NCS1: variants seen among roughly 807,000 people sequenced by gnomAD.
NCS1 encodes the protein neuronal calcium sensor 1.
Under a neutral mutation model 28.4 loss-of-function variants are expected in NCS1, and 6 were observed. The ratio of observed to expected loss-of-function variants is 0.21; its 90% confidence interval spans 0.12 to 0.42. The LOEUF is 0.42. NCS1 is among the 10% of genes least tolerant of loss of function. The pLI, the probability that NCS1 is intolerant of heterozygous loss-of-function variation, is 1.00. For synonymous variants in NCS1, 86 were observed against 99.3 expected, an observed-to-expected ratio of 0.87 and a Z score of 0.79; for missense variants, 131 against 241.4, an observed-to-expected ratio of 0.54 and a Z score of 3.03.
intron 1 of NCS1, among the ~76,000 whole-genome samples, chr9:130,187,758 C>A (rs1016152955): frequency 6.6e-6 from 1 of 152,224 alleles, no homozygotes; most frequent in South Asian, 2.1e-4. Flanking sequence ...CTTCACCTCT[C>A]GCCTCTGTTG....
rs1036374772 is a variant in NCS1 at position 130,215,676 on chromosome 9, C to A, written c.90-2156C>A. Among the ~76,000 whole-genome samples, 2 of 152,198 alleles carry A rather than the reference C, an allele frequency of 1.3e-5. No individual in the cohort carries two copies. Among genetic ancestry groups the A allele is most frequent in the South Asian group, 2.1e-4 (1 of 4,830 alleles). On this transcript the variant is annotated intron_variant, in intron 2 of 7. Transcript: ENST00000372398. The surrounding 1 kb of genome is among the most constrained non-coding windows in gnomAD (Gnocchi z 4.2). ...GGGCCGACCTGCCGAGGGAACCACC[C>A]TCTCAGCACAGTGCCTGGGTTTGGG...
Position 130,226,518 on chromosome 9 carries a change from C to T in NCS1, c.*17+14C>T, listed in dbSNP as rs372073258. 4.7e-5 allele frequency: 74 copies of T among 1,569,478 alleles called. No homozygotes were observed. Among genetic ancestry groups the T allele is most frequent in the African/African-American group, 1.2e-4 (9 of 73,596 alleles). On this transcript the variant is annotated intron_variant, in intron 7 of 7. Transcript: ENST00000372398. The surrounding 1 kb of genome is among the most constrained non-coding windows in gnomAD (Gnocchi z 4.8). ...GGCTGGAGCTGGGTGAGTGCAGACT[C>T]GGGGCCTGGGGTGGGTCTGGGATGG...
chr9:130,200,880 G>GC (rs1832937173), intron 1 of NCS1, 78 bp from the exon 2 acceptor site: 10 of 1,566,726 alleles, frequency 6.4e-6, no homozygotes, highest in Non-Finnish European at 8.8e-6. Context: ...TGGAGGGGAG[G>GC]CCCCCCAGCG....
intron 1 of NCS1, among the ~76,000 whole-genome samples, chr9:130,182,648 CCCCAGTGGAGGCTCAGCAGGTG>C (rs1832677392): frequency 1.3e-5 from 2 of 152,198 alleles, no homozygotes; most frequent in Non-Finnish European, 2.9e-5. Flanking sequence ...CCTCCACCCA[CCCCAGTGGAGGCTCAGCAGGTG>C]CTGACCGTGT....
Position 130,175,940 on chromosome 9 carries a change from C to T in NCS1, c.64+3213C>T, listed in dbSNP as rs567749678. Among the ~76,000 whole-genome samples the T allele has an allele frequency of 7.6e-4, 116 of 152,282 alleles. No individual in the cohort carries two copies. Among genetic ancestry groups the T allele is most frequent in the African/African-American group, 2.7e-3 (111 of 41,556 alleles). On this transcript the variant is annotated intron_variant, in intron 1 of 7. Transcript: ENST00000372398. This position sits in a 1 kb window ranked among gnomAD's most constrained non-coding sequence, Gnocchi z 4.9. The stretch of plus-strand genomic sequence containing the variant: ...AGGCTGTTGGCTTCCCCGTGTGTCC[C>T]GGCTGTGGGATGGGCCGGTCCCCTC...
rs1400382870 is a variant in NCS1 at position 130,192,095 on chromosome 9, G to A, written c.65-8863G>A. Among the ~76,000 whole-genome samples, 13 of 152,178 alleles carry A rather than the reference G, an allele frequency of 8.5e-5. No homozygotes were observed. Among genetic ancestry groups the A allele is most frequent in the African/African-American group, 2.7e-4 (11 of 41,448 alleles). ...CTTTCTGGGGCAGCTCAGGCCTGGT[G>A]CTGGGGCCCAGCTGCCCTTTAGCCA... On this transcript the variant is annotated intron_variant, in intron 1 of 7. Coordinates refer to ENST00000372398, the MANE Select transcript of NCS1 (RefSeq NM_014286.4). This position sits in a 1 kb window ranked among gnomAD's most constrained non-coding sequence, Gnocchi z 4.8.
intron 2 of NCS1, among the ~76,000 whole-genome samples, chr9:130,208,698 C>T (rs1239773681): frequency 3.9e-5 from 6 of 152,214 alleles, no homozygotes; most frequent in African/African-American, 9.6e-5. Flanking sequence ...GATTCTGGGC[C>T]GCGCCATGCA....
At chr9:130,205,238 G>T (rs2131139260) in intron 2 of NCS1, among the ~76,000 whole-genome samples, 1 of 152,218 alleles carries the variant, frequency 6.6e-6, no homozygotes. Context: ...GCTGGGAGGG[G>T]GACACGAGCC....
chr9:130,187,980 G>C (rs1381730204), intron 1 of NCS1, among the ~76,000 whole-genome samples: 3 of 152,204 alleles, frequency 2.0e-5, no homozygotes, highest in Non-Finnish European at 2.9e-5. Flanking sequence ...GGACTAGGGT[G>C]GGGGAGGCAG....
At chr9:130,210,201 C>A (rs897784589) in intron 2 of NCS1, among the ~76,000 whole-genome samples, 2 of 151,966 alleles carry the variant, frequency 1.3e-5, no homozygotes, top group Non-Finnish European at 2.9e-5. Flanking sequence ...GAGTTCAAGA[C>A]CAGTCTGGCC....
chr9:130,231,999 T>G (rs1472487304), intron 7 of NCS1, among the ~76,000 whole-genome samples: 1 of 151,946 alleles, frequency 6.6e-6, no homozygotes, highest in Non-Finnish European at 1.5e-5. Flanking sequence ...CAGGCTGGAG[T>G]GCAGTGATGC....
chr9:130,223,168 G>T lies in NCS1; in HGVS notation c.474+9G>T, dbSNP rs782653588. The T allele has an allele frequency of 1.1e-5, 18 of 1,596,896 alleles. No homozygotes were observed. Among genetic ancestry groups the T allele is most frequent in the South Asian group, 3.3e-5 (3 of 90,698 alleles). On this transcript the variant is annotated intron_variant, in intron 6 of 7. Transcript: ENST00000372398. ...TTGCCATGATGGATAAGGTGAGGTG[G>T]GGGGGCGGGGCTGGTCCTGGACCAG...
intron 1 of NCS1, among the ~76,000 whole-genome samples, chr9:130,194,402 G>C (rs945810550): frequency 1.3e-5 from 2 of 152,012 alleles, no homozygotes; most frequent in Non-Finnish European, 2.9e-5. Flanking sequence ...GTCTGTGGGC[G>C]TGGGGGTGCG....
chr9:130,184,819 A>G (rs1257575376), intron 1 of NCS1, among the ~76,000 whole-genome samples: 4 of 150,302 alleles, frequency 2.7e-5, no homozygotes, highest in Non-Finnish European at 5.9e-5. Flanking sequence ...ATTTTAGTAG[A>G]GACAGGTTTT....
intron 7 of NCS1, among the ~76,000 whole-genome samples, chr9:130,229,265 CT>C (rs35011671): frequency 0.26 from 36,931 of 141,450 alleles, 4,822 homozygotes; most frequent in Admixed American, 0.34. Flanking sequence ...ATTAATATTT[CT>C]TTTTTTTTTT....
Position 130,211,061 on chromosome 9 carries a change from C to T in NCS1, c.90-6771C>T, listed in dbSNP as rs141385807. On this transcript the variant is annotated intron_variant, in intron 2 of 7. Coordinates refer to ENST00000372398, the MANE Select transcript of NCS1 (RefSeq NM_014286.4). ...AGAGATGGGGTCTTGCTATGTTGCC[C>T]GGGGTGGTCTCAAACTCCTGGGCTC... 7.5e-3 allele frequency among the ~76,000 whole-genome samples: 1,061 copies of T among 142,170 alleles called. 9 individuals are homozygous for T. The highest frequency in any genetic ancestry group is 0.028 in the South Asian group (120 of 4,252). 93.3% of individuals were successfully genotyped at this position (142,170 alleles called of 152,430 possible).
At chr9:130,179,161 G>A (rs1832622129) in intron 1 of NCS1, among the ~76,000 whole-genome samples, 1 of 151,494 alleles carries the variant, frequency 6.6e-6, no homozygotes, top group Non-Finnish European at 1.5e-5. Flanking sequence ...TCGAACTCCT[G>A]ACCTCAGGTG....
intron 1 of NCS1, among the ~76,000 whole-genome samples, chr9:130,179,555 G>C (rs193290983): frequency 1.3e-5 from 2 of 152,254 alleles, no homozygotes; most frequent in East Asian, 1.9e-4. Flanking sequence ...TAAAAGGCTG[G>C]GGATGTTTTG....
intron 1 of NCS1, among the ~76,000 whole-genome samples, chr9:130,188,805 C>T (rs1162542077): frequency 2.6e-5 from 4 of 152,066 alleles, no homozygotes; most frequent in Non-Finnish European, 4.4e-5. Context: ...CAACTTCTGC[C>T]TCCTGGGTTC....
Sources: gnomAD v4.1 joint callset for allele counts (sites outside exome capture counted in the v4.1 genomes callset) on GRCh38, gnomAD v4.1.1 for gene constraint, Gnocchi (gnomAD v3.1) non-coding constraint, MANE v1.5 for transcripts, NCBI Gene and HGNC (gene_info 2026-07-23, HGNC 2026-07-21) for gene names.